Variants in CD38 observed in about 807,000 individuals in gnomAD.
The protein encoded by CD38 is CD38 molecule.
CD38 carries 31 observed loss-of-function variants against 36.3 expected under a neutral mutation model. That is an observed-to-expected ratio of 0.85 (90% confidence interval 0.64 to 1.15). The LOEUF (loss-of-function observed/expected upper bound fraction) is 1.15, where lower values mean the gene tolerates loss of function less well. Among genes scored for constraint, CD38 ranks in the 50% most tolerant of loss-of-function variants. CD38 has a pLI of 0.00. For missense variants in CD38, 380 were observed against 371.9 expected, an observed-to-expected ratio of 1.02 and a Z score of -0.18; for synonymous variants, 131 against 135.2, an observed-to-expected ratio of 0.97 and a Z score of 0.22.
At chr4:15,819,115 T>G (rs959570560) in intron 2 of CD38, among the ~76,000 whole-genome samples, 4 of 149,070 alleles carry the variant, frequency 2.7e-5, no homozygotes, top group African/African-American at 9.7e-5. Flanking sequence ...ATGTTCTCAC[T>G]CATAAGTGGG....
At chr4:15,816,694 C>T (rs1269909568) in intron 2 of CD38, 54 bp downstream of exon 2, 1 of 1,584,360 alleles carries the variant, frequency 6.3e-7, no homozygotes, top group Non-Finnish European at 8.7e-7. Context: ...CCAATGGTAA[C>T]AATTCATAGG....
intron 1 of CD38, among the ~76,000 whole-genome samples, chr4:15,803,515 G>C (rs1248822398): frequency 6.6e-6 from 1 of 152,138 alleles, no homozygotes; most frequent in Non-Finnish European, 1.5e-5. Context: ...CTAAGTATTT[G>C]AAACAGTGCT....
chr4:15,779,311 C>T (rs1282880900), intron 1 of CD38, among the ~76,000 whole-genome samples: 1 of 152,132 alleles, frequency 6.6e-6, no homozygotes, highest in African/African-American at 2.4e-5. Flanking sequence ...GATGATAAGG[C>T]GCAGCAACTC....
chr4:15,847,644 C>A, intron 7 of CD38, among the ~76,000 whole-genome samples: 1 of 109,138 alleles, frequency 9.2e-6, no homozygotes, highest in South Asian at 3.4e-4. Context: ...AGATATCTGA[C>A]GAGTCTAAGC....
Position 15,797,127 on chromosome 4 carries a change from T to A in CD38, c.233+18480T>A, listed in dbSNP as rs373360737. Among the ~76,000 whole-genome samples the A allele has an allele frequency of 1.0e-3, 155 of 152,312 alleles. No homozygotes were observed. In the South Asian group the frequency reaches 0.019, roughly 19 times the overall value. ...TACTACCCAGAGTATCTTCAAATTT[T>A]CTGATTTTTGCTGGTCTGATAAGGG... On this transcript the variant is annotated intron_variant, in intron 1 of 7. Transcript: ENST00000226279.
chr4:15,827,504 G>C (rs1384821320), intron 3 of CD38, among the ~76,000 whole-genome samples: 1 of 151,510 alleles, frequency 6.6e-6, no homozygotes, highest in Non-Finnish European at 1.5e-5. Flanking sequence ...CTAGAATATG[G>C]TAATATAAAT....
intron 1 of CD38, among the ~76,000 whole-genome samples, chr4:15,807,980 C>T (rs1362852356): frequency 1.3e-5 from 2 of 152,166 alleles, no homozygotes; most frequent in South Asian, 4.1e-4. Flanking sequence ...TGACTTTATT[C>T]ATTCTTCTGG....
intron 1 of CD38, among the ~76,000 whole-genome samples, chr4:15,801,737 C>G (rs183657482): frequency 1.2e-4 from 19 of 152,190 alleles, no homozygotes; most frequent in Admixed American, 1.2e-3. Flanking sequence ...TGATAAAATT[C>G]AACATCCCTC....
chr4:15,803,003 C>T (rs568175316), intron 1 of CD38, among the ~76,000 whole-genome samples: 1 of 152,226 alleles, frequency 6.6e-6, no homozygotes, highest in South Asian at 2.1e-4. Context: ...TATTTATGGC[C>T]TATTGATTTT....
intron 7 of CD38, among the ~76,000 whole-genome samples, chr4:15,840,758 G>C (rs981146151): frequency 6.6e-6 from 1 of 152,026 alleles, no homozygotes; most frequent in East Asian, 1.9e-4. Context: ...TTCCTCATCC[G>C]TCTCTATTGA....
intron 7 of CD38, among the ~76,000 whole-genome samples, chr4:15,845,883 A>G (rs1258260763): frequency 2.1e-5 from 2 of 96,994 alleles, no homozygotes; most frequent in Non-Finnish European, 3.8e-5. Context: ...TTCAAGGAGA[A>G]CTACAAACCA....
Position 15,850,847 on chromosome 4 carries a change from C to G in CD38, c.*2245C>G, listed in dbSNP as rs372490189. ...GCAGAATGTCTTCAGAATCGGGGCCCGGTCAGTCTCCTGGGTGACCTGCTG... is the reference window on the plus strand; with the variant it reads ...GCAGAATGTCTTCAGAATCGGGGCCGGGTCAGTCTCCTGGGTGACCTGCTG... On this transcript the variant is annotated 3_prime_UTR_variant, in exon 8 of 8. Coordinates refer to ENST00000226279, the MANE Select transcript of CD38 (RefSeq NM_001775.4). The G allele has an allele frequency of 6.6e-6, 1 of 152,214 alleles. No homozygotes were observed. Among genetic ancestry groups the G allele is most frequent in the East Asian group, 1.9e-4 (1 of 5,204 alleles). The allele number at this position is 152,214 out of a possible 1,614,324, so 9.4% of individuals were successfully genotyped here. A position where few individuals can be genotyped will look rare whatever the true frequency, so the allele number is the denominator to read the frequency against.
chr4:15,826,459 G>GCACGCACACACA lies in CD38; in HGVS notation c.499+1446_499+1447insGCACACACACAC, dbSNP rs1222637407. ...ATTATTGTAAGAAACACTTTTGTGCGCACACACACACACACACACACACAC... is the reference window on the plus strand; with the variant it reads ...ATTATTGTAAGAAACACTTTTGTGCGCACGCACACACACACACACACACACACACACACACAC... On this transcript the variant is annotated intron_variant, in intron 3 of 7. Coordinates refer to ENST00000226279, the MANE Select transcript of CD38 (RefSeq NM_001775.4). Among the ~76,000 whole-genome samples the GCACGCACACACA allele has an allele frequency of 6.4e-3, 939 of 146,440 alleles. 12 individuals carry two copies. Among genetic ancestry groups the GCACGCACACACA allele is most frequent in the African/African-American group, 0.02 (802 of 39,824 alleles).
Position 15,850,459 on chromosome 4 carries a change from T to G in CD38, c.*1857T>G, listed in dbSNP as rs1486963119. The stretch of plus-strand genomic sequence containing the variant: ...ATATTTTGACATCATGCTGTCATCT[T>G]GAACAAAATGCCTAACCTTTCTGAA... On this transcript the variant is annotated 3_prime_UTR_variant, in exon 8 of 8. Transcript: ENST00000226279. 6.6e-6 allele frequency: 1 copy of G among 152,254 alleles called. No individual in the cohort carries two copies. The highest frequency in any genetic ancestry group is 1.5e-5 in the Non-Finnish European group (1 of 68,042). The allele number at this position is 152,254 out of a possible 1,614,324, so 9.4% of individuals were successfully genotyped here.
intron 1 of CD38, among the ~76,000 whole-genome samples, chr4:15,803,984 ATTC>A (rs1319702319): frequency 6.6e-6 from 1 of 152,150 alleles, no homozygotes; most frequent in Non-Finnish European, 1.5e-5. Context: ...ACATGATTTC[ATTC>A]TTCTTTTTGT....
At chr4:15,819,133 C>T (rs1723676823) in intron 2 of CD38, among the ~76,000 whole-genome samples, 1 of 152,080 alleles carries the variant, frequency 6.6e-6, no homozygotes, top group African/African-American at 2.4e-5. Context: ...GGGAGTTGAA[C>T]AGTGAGAACA....
At chr4:15,790,560 C>G (rs7674345) in intron 1 of CD38, among the ~76,000 whole-genome samples, 30,068 of 150,482 alleles carry the variant, frequency 0.2, 2,075 homozygotes, top group African/African-American at 0.23. Flanking sequence ...CCTTGGCCCC[C>G]CAAAGTGCCG....
intron 1 of CD38, among the ~76,000 whole-genome samples, chr4:15,781,669 G>A (rs1270563904): frequency 5.3e-5 from 8 of 152,274 alleles, no homozygotes; most frequent in Admixed American, 2.0e-4. Context: ...GCTTTACACC[G>A]AGTCTCCTGA....
chr4:15,841,996 A>T (rs928990995), intron 7 of CD38, among the ~76,000 whole-genome samples: 1 of 142,340 alleles, frequency 7.0e-6, no homozygotes, highest in African/African-American at 2.8e-5. Flanking sequence ...GGCGCCCGCC[A>T]TTGCCCAGGC....
Sources: allele counts gnomAD v4.1 joint callset (sites outside exome capture counted in the v4.1 genomes callset), GRCh38; gene constraint gnomAD v4.1.1; transcripts MANE v1.5; gene names NCBI Gene and HGNC (gene_info 2026-07-23, HGNC 2026-07-21).